TRIM5: variants seen among roughly 807,000 people sequenced by gnomAD.
TRIM5 encodes tripartite motif-containing protein 5.
Under a neutral mutation model 35.6 loss-of-function variants are expected in TRIM5, and 31 were observed. The observed-to-expected ratio is 0.87, with a 90% confidence interval of 0.65 to 1.18. The LOEUF (loss-of-function observed/expected upper bound fraction) is 1.18, where lower values mean the gene tolerates loss of function less well. Among genes scored for constraint, TRIM5 ranks in the 50% most tolerant of loss-of-function variants. The probability of loss-of-function intolerance (pLI) is 0.00; values close to 1 mark genes in which losing one functional copy is unlikely to be tolerated. For missense variants in TRIM5, 609 were observed against 591.6 expected (o/e 1.03, Z -0.31); for synonymous variants, 243 against 215.6 (o/e 1.13, Z -1.11).
chr11:5,633,396 A>G, the TRIM5 span, among the ~76,000 whole-genome samples: 1 of 152,094 alleles, frequency 6.6e-6, no homozygotes, highest in Admixed American at 6.6e-5. Context: ...TTAGCCAAGA[A>G]TGAGAAATTT....
At chr11:5,631,657 C>T in the TRIM5 span, among the ~76,000 whole-genome samples, 1 of 152,184 alleles carries the variant, frequency 6.6e-6, no homozygotes, top group Admixed American at 6.5e-5. Flanking sequence ...CTGGAAACCA[C>T]ATCTGGGGTT....
intron 4 of TRIM5, among the ~76,000 whole-genome samples, chr11:5,676,373 A>G (rs1851981378): frequency 6.6e-6 from 1 of 152,156 alleles, no homozygotes; most frequent in South Asian, 2.1e-4. Context: ...CAAAGAGAAT[A>G]AAATACCTAG....
At chr11:5,643,244 T>C in the TRIM5 span, 1 of 1,614,030 alleles carries the variant, frequency 6.2e-7, no homozygotes, top group Non-Finnish European at 8.5e-7. Context: ...TTCAGTGTTA[T>C]AATTATGGTG....
chr11:5,684,465 T>C (rs1852857130), intron 1 of TRIM5, among the ~76,000 whole-genome samples: 1 of 152,184 alleles, frequency 6.6e-6, no homozygotes, highest in Admixed American at 6.5e-5. Flanking sequence ...TGTCACACCA[T>C]GAAGGCTGAT....
chr11:5,633,986 A>G, the TRIM5 span: 1 of 1,411,234 alleles, frequency 7.1e-7, no homozygotes, highest in Admixed American at 2.0e-5. Flanking sequence ...ATTCCTTGAC[A>G]TTGCATGAGT....
chr11:5,603,344 A>G, the TRIM5 span: 1 of 1,613,876 alleles, frequency 6.2e-7, no homozygotes. Context: ...GACATACGAG[A>G]AGAGGTGACC....
chr11:5,653,434 A>G, the TRIM5 span, among the ~76,000 whole-genome samples: 5 of 147,608 alleles, frequency 3.4e-5, no homozygotes, highest in Admixed American at 1.3e-4. Flanking sequence ...TCTCTCATCT[A>G]TCCTCCTTCT....
At chr11:5,642,397 C>A in the TRIM5 span, 21 of 1,609,014 alleles carry the variant, frequency 1.3e-5, no homozygotes, top group Non-Finnish European at 1.8e-5. Context: ...AAATTTTTTT[C>A]ATCCCTAGGA....
chr11:5,665,908 C>T (rs1851094758), intron 6 of TRIM5, 73 bp downstream of exon 6: 1 of 1,445,032 alleles, frequency 6.9e-7, no homozygotes, highest in Non-Finnish European at 9.4e-7. Context: ...TTGGAAACTG[C>T]ACCCTCTTCC....
At chr11:5,605,393 T>G in the TRIM5 span, 2 of 1,614,100 alleles carry the variant, frequency 1.2e-6, no homozygotes, top group South Asian at 2.2e-5. Flanking sequence ...AGCTGCGAAA[T>G]ATCCTAGACA....
chr11:5,651,034 CTCTTT>C, the TRIM5 span, among the ~76,000 whole-genome samples: 11 of 152,304 alleles, frequency 7.2e-5, no homozygotes, highest in South Asian at 2.1e-3. Flanking sequence ...TCAAATCTTA[CTCTTT>C]TCAAGTAACT....
Position 5,667,710 on chromosome 11 carries a change from C to T in TRIM5, c.746G>A (p.Gly249Asp), listed in dbSNP as rs11038628. The change falls in exon 5 of 8, where the codon GGT (glycine) becomes GAT (aspartate). Residue 249 changes from glycine to aspartate, a missense_variant and splice_region_variant. Coordinates refer to ENST00000380034, the MANE Select transcript of TRIM5 (RefSeq NM_033034.3). The part of the protein sequence containing the change: ...LQGSVMELLQ[G>D]VDGVIKRTEN... ...ATACCTTTTTATGACGCCATCCACA[C>T]CCTAGGAAGAAGAGAGAAAACATCA... is the stretch of plus-strand genomic sequence containing the variant. 0.092 allele frequency: 147,718 copies of T among 1,611,612 alleles called. 12,698 individuals are homozygous for T. Among genetic ancestry groups the T allele is most frequent in the East Asian group, 0.42 (18,844 of 44,650 alleles).
the TRIM5 span, chr11:5,632,781 G>A: frequency 6.5e-7 from 1 of 1,544,776 alleles, no homozygotes; most frequent in East Asian, 2.3e-5. Context: ...AGGGAGATGG[G>A]GCAGAAGATG....
the TRIM5 span, chr11:5,632,831 TTTTTTTTTTTTTTGAGACAGAGTC>T: frequency 7.0e-7 from 1 of 1,430,544 alleles, no homozygotes; most frequent in Non-Finnish European, 9.1e-7. Context: ...CCTTTTTTTT[TTTTTTTTTTTTTTGAGACAGAGTC>T]TCACTCTGTC....
intron 4 of TRIM5, among the ~76,000 whole-genome samples, chr11:5,672,665 C>A (rs551633288): frequency 6.6e-6 from 1 of 152,030 alleles, no homozygotes; most frequent in African/African-American, 2.4e-5. Context: ...TAGTTTATTT[C>A]CCAAAGTATT....
At chr11:5,627,944 A>G in the TRIM5 span, among the ~76,000 whole-genome samples, 177 of 152,350 alleles carry the variant, frequency 1.2e-3, 3 homozygotes, top group South Asian at 0.035. Flanking sequence ...TTAGGAGTCC[A>G]GATGTTAGGA....
chr11:5,637,045 T>C, the TRIM5 span, among the ~76,000 whole-genome samples: 3 of 152,168 alleles, frequency 2.0e-5, no homozygotes, highest in Non-Finnish European at 4.4e-5. Context: ...TGATGGCGGC[T>C]GCCTGTAGTC....
At chr11:5,643,283 G>A in the TRIM5 span, 9 of 1,613,994 alleles carry the variant, frequency 5.6e-6, no homozygotes, top group South Asian at 1.1e-5. Flanking sequence ...TCTCCTCTGG[G>A]AAACATTACT....
chr11:5,663,125 AAAACAAAC>A (rs71053290), downstream of TRIM5: 265,155 of 511,506 alleles, frequency 0.52, 69,227 homozygotes, highest in East Asian at 0.7. Flanking sequence ...ACCCTGTCTC[AAAACAAAC>A]AAACAAACAA....
Sources: allele counts gnomAD v4.1 joint callset (sites outside exome capture counted in the v4.1 genomes callset), GRCh38; gene constraint gnomAD v4.1.1; transcripts MANE v1.5; gene names NCBI Gene and HGNC (gene_info 2026-07-23, HGNC 2026-07-21).